DNAH7: variants seen among roughly 807,000 people sequenced by gnomAD.
The protein encoded by DNAH7 is axonemal beta dynein heavy chain 7.
Under a neutral mutation model 444.6 loss-of-function variants are expected in DNAH7, and 397 were observed. The observed-to-expected ratio is 0.89, with a 90% confidence interval of 0.82 to 0.97. The LOEUF is 0.97. DNAH7 is among the 50% of genes least tolerant of loss of function. DNAH7 has a pLI of 0.00. For missense variants in DNAH7, 4,902 were observed against 4,800.8 expected (o/e 1.02, Z -0.62); for synonymous variants, 1,636 against 1,624.4 (o/e 1.01, Z -0.17).
At chr2:196,060,298 T>G (rs1011647919) in intron 1 of DNAH7, among the ~76,000 whole-genome samples, 1 of 152,154 alleles carries the variant, frequency 6.6e-6, no homozygotes, top group Non-Finnish European at 1.5e-5. Context: ...AGCAGAGTAT[T>G]CAAAATATCT....
At chr2:195,851,992 C>G (rs1439843741) in intron 46 of DNAH7, among the ~76,000 whole-genome samples, 1 of 152,126 alleles carries the variant, frequency 6.6e-6, no homozygotes, top group African/African-American at 2.4e-5. Context: ...GGCACGGTGG[C>G]TCACGCCTGT....
rs551277778 is a variant in DNAH7 at position 195,818,602 on chromosome 2, C to T, written c.9292-773G>A. Among the ~76,000 whole-genome samples, 43 of 152,256 alleles carry T rather than the reference C, an allele frequency of 2.8e-4. 1 individual carries two copies. Among genetic ancestry groups the T allele is most frequent in the African/African-American group, 9.4e-4 (39 of 41,546 alleles). On this transcript the variant is annotated intron_variant, in intron 49 of 64. Transcript: ENST00000312428. ...ATGGAATAACCTCTCTTTGGGCTTT[C>T]GAAACGACACTTATTGAAAATGTTA...
chr2:195,828,388 T>A (rs1471564594), intron 48 of DNAH7, among the ~76,000 whole-genome samples: 1 of 151,896 alleles, frequency 6.6e-6, no homozygotes, highest in Non-Finnish European at 1.5e-5. Flanking sequence ...ATCGAGACCA[T>A]CCTGGCTAAC....
At chr2:196,035,877 C>T (rs2125813028) in intron 5 of DNAH7, among the ~76,000 whole-genome samples, 1 of 152,208 alleles carries the variant, frequency 6.6e-6, no homozygotes, top group Admixed American at 6.5e-5. Flanking sequence ...GCATGGAGCA[C>T]CCACAACTGC....
At chr2:195,986,659 G>A (rs1401636853) in intron 14 of DNAH7, among the ~76,000 whole-genome samples, 3 of 152,046 alleles carry the variant, frequency 2.0e-5, no homozygotes, top group African/African-American at 7.2e-5. Flanking sequence ...AGTTACCATG[G>A]CCCTCAAGAG....
At chr2:195,804,846 C>G (rs953234439) in intron 54 of DNAH7, among the ~76,000 whole-genome samples, 4 of 150,818 alleles carry the variant, frequency 2.7e-5, no homozygotes, top group African/African-American at 9.8e-5. Flanking sequence ...ATCTATCTAT[C>G]TATCCAAGTA....
At chr2:195,752,720 CAAAG>C (rs886630263) in intron 63 of DNAH7, among the ~76,000 whole-genome samples, 9 of 152,062 alleles carry the variant, frequency 5.9e-5, no homozygotes, top group Admixed American at 3.3e-4. Flanking sequence ...GTACTGGAAA[CAAAG>C]AGAGAAGCAT....
At chr2:196,032,163 G>A (rs1696099355) in intron 5 of DNAH7, among the ~76,000 whole-genome samples, 2 of 152,086 alleles carry the variant, frequency 1.3e-5, no homozygotes. Flanking sequence ...AGTAAAACGG[G>A]TTTCCCCTTA....
chr2:195,864,325 G>C lies in DNAH7; in HGVS notation c.7330C>G (p.Arg2444Gly), dbSNP rs375400455. 2 of 1,614,084 alleles carry C rather than the reference G, an allele frequency of 1.2e-6. No homozygotes were observed. The change falls in exon 41 of 65, where the codon CGG (arginine) becomes GGG (glycine). Residue 2444 changes from arginine (R) to glycine (G), a missense_variant. Transcript: ENST00000312428. ...CCATCTGTTTGCTTGGTTTTATCCCGCTGGCGATCTAACTGACGCATCTTA... is the reference window on the plus strand; with the variant it reads ...CCATCTGTTTGCTTGGTTTTATCCCCCTGGCGATCTAACTGACGCATCTTA... ...CDKMRQLDRQ[R>G]DKTKQTDGSP...
At chr2:195,886,755 T>C (rs1342628724) in intron 33 of DNAH7, among the ~76,000 whole-genome samples, 1 of 152,208 alleles carries the variant, frequency 6.6e-6, no homozygotes, top group Non-Finnish European at 1.5e-5. Flanking sequence ...TGCACTTTAC[T>C]CTTTTGCTTG....
chr2:195,983,468 G>A (rs1040927487), intron 15 of DNAH7, among the ~76,000 whole-genome samples: 14 of 152,252 alleles, frequency 9.2e-5, no homozygotes, highest in African/African-American at 3.4e-4. Context: ...AAGAGGGGGA[G>A]CAGAAGAGAA....
intron 16 of DNAH7, 107 bp downstream of exon 16, chr2:195,972,135 G>A (rs1691886714): frequency 1.2e-6 from 1 of 852,908 alleles, no homozygotes. Context: ...TATAGTATGA[G>A]AAAGCTAAAA....
At chr2:195,822,692 C>G (rs1383054096) in intron 49 of DNAH7, among the ~76,000 whole-genome samples, 1 of 152,144 alleles carries the variant, frequency 6.6e-6, no homozygotes, top group African/African-American at 2.4e-5. Flanking sequence ...TTCCTCCCCA[C>G]AGCACTTTAT....
chr2:195,830,231 A>G (rs1334687461), intron 48 of DNAH7, among the ~76,000 whole-genome samples: 1 of 152,172 alleles, frequency 6.6e-6, no homozygotes, highest in Non-Finnish European at 1.5e-5. Context: ...CTTATGGGAA[A>G]TCAAGACTAG....
intron 33 of DNAH7, among the ~76,000 whole-genome samples, chr2:195,887,483 T>C (rs1158992258): frequency 6.6e-6 from 1 of 152,178 alleles, no homozygotes; most frequent in African/African-American, 2.4e-5. Flanking sequence ...GTCTATCTCT[T>C]GCTCTCTTCT....
In DNAH7 at chr2:195,756,114, A is replaced by T. The variant is rs191046982; in HGVS notation, c.11586+19T>A. On this transcript the variant is annotated intron_variant, in intron 62 of 64. Transcript: ENST00000312428. ...ACCAGGAGAAACTTAACAATATACG[A>T]TCATTTAGACGAACTTACCTGCAAG... The T allele has an allele frequency of 1.0e-5, 16 of 1,586,472 alleles. No individual in the cohort carries two copies. The East Asian group carries it at 2.7e-4, about 27-fold the overall frequency.
chr2:195,832,660 T>A (rs1339494922), intron 48 of DNAH7, among the ~76,000 whole-genome samples: 1 of 152,052 alleles, frequency 6.6e-6, no homozygotes, highest in African/African-American at 2.4e-5. Context: ...CAAGTTAGCC[T>A]CAAACTCCTG....
intron 19 of DNAH7, among the ~76,000 whole-genome samples, chr2:195,949,437 C>T (rs1029354433): frequency 6.6e-6 from 1 of 152,152 alleles, no homozygotes; most frequent in Non-Finnish European, 1.5e-5. Flanking sequence ...TCACACACCA[C>T]TACACCTGGC....
At chr2:196,013,863 A>G (rs1694856599) in intron 9 of DNAH7, among the ~76,000 whole-genome samples, 1 of 152,230 alleles carries the variant, frequency 6.6e-6, no homozygotes, top group South Asian at 2.1e-4. Context: ...ACATTTTAAA[A>G]TTGCAGCTGT....
Sources: allele counts gnomAD v4.1 joint callset (sites outside exome capture counted in the v4.1 genomes callset), GRCh38; gene constraint gnomAD v4.1.1; transcripts MANE v1.5; gene names NCBI Gene and HGNC (gene_info 2026-07-23, HGNC 2026-07-21).